The following BICD1 variants were observed in gnomAD, a reference collection of about 807,000 sequenced individuals.
BICD1 encodes BICD cargo adaptor 1.
In BICD1, 35 loss-of-function variants were observed where a neutral mutation model predicts 92.5. The observed-to-expected ratio is 0.38, with a 90% CI of 0.29 to 0.50. BICD1 has a LOEUF of 0.50. Ranked by LOEUF, BICD1 falls within the 20% of genes least tolerant of loss-of-function variation. The probability of loss-of-function intolerance (pLI) is 0.93; values close to 1 mark genes in which losing one functional copy is unlikely to be tolerated. For synonymous variants in BICD1, 429 were observed against 465.1 expected, an observed-to-expected ratio of 0.92 and a Z score of 1.00; for missense variants, 950 against 1,189.8, an observed-to-expected ratio of 0.80 and a Z score of 2.97.
At chr12:32,365,053 C>T (rs11051957) in intron 8 of BICD1, among the ~76,000 whole-genome samples, 20,220 of 151,976 alleles carry the variant, frequency 0.13, 1,999 homozygotes, top group East Asian at 0.33. Context: ...CTGGTTAACA[C>T]GGTGAAACCC....
chr12:32,170,767 T>A (rs976017656), intron 1 of BICD1, among the ~76,000 whole-genome samples: 4 of 152,138 alleles, frequency 2.6e-5, no homozygotes, highest in Non-Finnish European at 5.9e-5. Flanking sequence ...CAGGGAGACA[T>A]TTGGTTATTT....
intron 4 of BICD1, among the ~76,000 whole-genome samples, chr12:32,312,347 C>G (rs1948402999): frequency 6.6e-6 from 1 of 152,224 alleles, no homozygotes; most frequent in Non-Finnish European, 1.5e-5. Context: ...CTGCAGACTT[C>G]TGCATTGAAG....
intron 3 of BICD1, among the ~76,000 whole-genome samples, chr12:32,304,008 A>G (rs1223095917): frequency 6.6e-6 from 1 of 151,952 alleles, no homozygotes; most frequent in African/African-American, 2.4e-5. Flanking sequence ...CAGGAGGTAG[A>G]GCTTGCAGTG....
At chr12:32,160,709 G>A (rs773583611) in intron 1 of BICD1, among the ~76,000 whole-genome samples, 1 of 152,120 alleles carries the variant, frequency 6.6e-6, no homozygotes, top group East Asian at 1.9e-4. Flanking sequence ...GCAATTTAGG[G>A]TTTATTATAT....
intron 1 of BICD1, among the ~76,000 whole-genome samples, chr12:32,144,912 A>C (rs12833246): frequency 0.22 from 33,821 of 152,128 alleles, 3,821 homozygotes; most frequent in South Asian, 0.33. Flanking sequence ...CCATTCATTT[A>C]CTTTGATGGA....
intron 2 of BICD1, among the ~76,000 whole-genome samples, chr12:32,257,211 C>CAA (rs35294412): frequency 0.051 from 3,979 of 77,744 alleles, 358 homozygotes; most frequent in African/African-American, 0.16. Flanking sequence ...GACTCTGTCT[C>CAA]AAAAAAAAAA....
intron 1 of BICD1, among the ~76,000 whole-genome samples, chr12:32,183,366 G>A (rs1012090855): frequency 4.6e-5 from 7 of 151,304 alleles, no homozygotes; most frequent in African/African-American, 1.7e-4. Context: ...GCTGGTTCAA[G>A]CGATTCTCCT....
chr12:32,325,564 G>T (rs1287864342), intron 4 of BICD1, among the ~76,000 whole-genome samples: 4 of 152,146 alleles, frequency 2.6e-5, no homozygotes, highest in Non-Finnish European at 4.4e-5. Flanking sequence ...AAAGTTAAAT[G>T]AGGGGCATTA....
At chr12:32,308,585 T>A (rs910178691) in intron 4 of BICD1, among the ~76,000 whole-genome samples, 2 of 152,208 alleles carry the variant, frequency 1.3e-5, no homozygotes, top group East Asian at 3.8e-4. Flanking sequence ...ATTTAGATAA[T>A]TATTATTAAC....
intron 8 of BICD1, among the ~76,000 whole-genome samples, chr12:32,357,657 T>G (rs1042221777): frequency 6.6e-6 from 1 of 152,136 alleles, no homozygotes; most frequent in African/African-American, 2.4e-5. Flanking sequence ...GCAGGTCTGT[T>G]TTCTCCTGAG....
At chr12:32,369,489 GGGTGCCACAA>G (rs1939650237) in intron 9 of BICD1, among the ~76,000 whole-genome samples, 1 of 152,280 alleles carries the variant, frequency 6.6e-6, no homozygotes, top group Non-Finnish European at 1.5e-5. Flanking sequence ...AGGGGACCTG[GGGTGCCACAA>G]GTGTGGAAAC....
intron 1 of BICD1, among the ~76,000 whole-genome samples, chr12:32,182,891 T>C (rs1022186189): frequency 1.7e-4 from 5 of 29,424 alleles, no homozygotes; most frequent in South Asian, 9.2e-4. Flanking sequence ...TCTTTCTTTC[T>C]TTTTTTTTTT....
chr12:32,361,076 C>T (rs943286835), intron 8 of BICD1, among the ~76,000 whole-genome samples: 2 of 152,160 alleles, frequency 1.3e-5, no homozygotes, highest in African/African-American at 4.8e-5. Context: ...CATGAGGTTT[C>T]TGCTGTTTTA....
At chr12:32,291,570 C>T (rs768871158) in intron 2 of BICD1, among the ~76,000 whole-genome samples, 5 of 150,858 alleles carry the variant, frequency 3.3e-5, no homozygotes, top group Non-Finnish European at 7.4e-5. Flanking sequence ...AGTCTGGGCA[C>T]AGTGGCTCAC....
chr12:32,181,474 G>A (rs866775731), intron 1 of BICD1, among the ~76,000 whole-genome samples: 11 of 151,684 alleles, frequency 7.3e-5, no homozygotes, highest in Non-Finnish European at 1.0e-4. Context: ...ATGCCATGGT[G>A]CATTATAGTT....
At chr12:32,165,550 T>TG (rs60492160) in intron 1 of BICD1, among the ~76,000 whole-genome samples, 4,517 of 151,912 alleles carry the variant, frequency 0.03, 124 homozygotes, top group African/African-American at 0.071. Context: ...CTGGGCGTGG[T>TG]GGTGCGTGCC....
rs1266809308 is a variant in BICD1 at position 32,328,490 on chromosome 12, T to G, written c.2035T>G (p.Ser679Ala). ...ALMEEILKLK[S>A]LLSTKREQIA... ...AATGGAAGAGATCCTCAAGCTAAAG[T>G]CCCTGCTGAGCACCAAACGGGAGCA... The change falls in exon 5 of 10, where the codon TCC becomes GCC. Residue 679 changes from serine (S) to alanine (A), a missense_variant. Around this residue, in one of 5 missense-constraint regions of BICD1, gnomAD observed 309 missense variants for 499.4 expected, o/e 0.62. Transcript: ENST00000652176. The surrounding 1 kb of genome is among the most constrained non-coding windows in gnomAD (Gnocchi z 4.4). 2.5e-6 allele frequency: 4 copies of G among 1,614,142 alleles called. No individual in the cohort carries two copies. Among genetic ancestry groups the G allele is most frequent in the Admixed American group, 3.3e-5 (2 of 60,024 alleles).
chr12:32,347,673 C>A (rs1173162262), intron 8 of BICD1, among the ~76,000 whole-genome samples: 1 of 151,526 alleles, frequency 6.6e-6, no homozygotes, highest in African/African-American at 2.4e-5. Context: ...TACCTATATA[C>A]CCTTTTCATA....
At chr12:32,346,953 CTTT>C (rs546760175) in intron 8 of BICD1, among the ~76,000 whole-genome samples, 1 of 136,446 alleles carries the variant, frequency 7.3e-6, no homozygotes, top group Non-Finnish European at 1.6e-5. Flanking sequence ...CTTTTCTTTT[CTTT>C]TTTTTTTTTT....
Sources: allele counts gnomAD v4.1 joint callset (sites outside exome capture counted in the v4.1 genomes callset), GRCh38; gene constraint gnomAD v4.1.1; regional missense constraint gnomAD v4.1.1; non-coding constraint Gnocchi (gnomAD v3.1); transcripts MANE v1.5; gene names NCBI Gene and HGNC (gene_info 2026-07-23, HGNC 2026-07-21).